Variants in EIF4A3 observed in about 807,000 individuals in gnomAD.
The protein encoded by EIF4A3 is eukaryotic initiation factor 4A-III.
Under a neutral mutation model 55.6 loss-of-function variants are expected in EIF4A3, and 1 was observed. The observed-to-expected ratio is 0.02, with a 90% confidence interval of 0.01 to 0.09. EIF4A3 has a LOEUF of 0.09. Ranked by LOEUF, EIF4A3 falls within the 10% of genes least tolerant of loss-of-function variation. EIF4A3 has a pLI of 1.00. For synonymous variants in EIF4A3, 194 were observed against 196.3 expected, an observed-to-expected ratio of 0.99 and a Z score of 0.10; for missense variants, 221 against 540.7, an observed-to-expected ratio of 0.41 and a Z score of 5.86.
At chr17:80,141,870 G>A (rs1367607325) in intron 2 of EIF4A3, 22 bp from the exon 3 acceptor site, 2 of 1,611,938 alleles carry the variant, frequency 1.2e-6, no homozygotes, top group African/African-American at 1.3e-5. Context: ...AACAAAAGCA[G>A]TGGGATTAGA....
intron 3 of EIF4A3, 116 bp downstream of exon 3, chr17:80,141,666 G>A: frequency 9.7e-7 from 1 of 1,033,062 alleles, no homozygotes; most frequent in Admixed American, 2.5e-5. Flanking sequence ...AAAATTTGCT[G>A]AGTCAATACA....
intron 8 of EIF4A3, 108 bp from the exon 9 acceptor site, chr17:80,137,609 G>A (rs971295847): frequency 4.8e-5 from 40 of 825,474 alleles, no homozygotes; most frequent in Non-Finnish European, 6.7e-5. Context: ...TATTCGTAAG[G>A]TAACTGCTCT....
chr17:80,141,463 G>A, intron 3 of EIF4A3, 82 bp from the exon 4 acceptor site: 1 of 1,335,192 alleles, frequency 7.5e-7, no homozygotes, highest in Non-Finnish European at 1.1e-6. Context: ...AGATCTATAT[G>A]AGAAATACTA....
chr17:80,140,548 A>G lies in EIF4A3; in HGVS notation c.373-408T>C, dbSNP rs114379714. On this transcript the variant is annotated intron_variant, in intron 4 of 11. Coordinates refer to ENST00000649764, the MANE Select transcript of EIF4A3 (RefSeq NM_014740.4). ...TAGCACACCGTGCTGTGTGCACCCT[A>G]TATGTGTATTCAGAGAGTCGTTATC... The G allele has an allele frequency of 5.7e-3, 903 of 157,210 alleles. 5 individuals are homozygous for G. The highest frequency in any genetic ancestry group is 0.021 in the African/African-American group (860 of 41,572). 9.7% of individuals were successfully genotyped at this position (157,210 alleles called of 1,614,324 possible). A position where few individuals can be genotyped will look rare whatever the true frequency, so the allele number is the denominator to read the frequency against.
At chr17:80,144,126 G>A in intron 2 of EIF4A3, 46 bp downstream of exon 2, 4 of 1,592,374 alleles carry the variant, frequency 2.5e-6, no homozygotes, top group Non-Finnish European at 3.4e-6. Context: ...GCACTGCGCT[G>A]CCCAAATTTA....
chr17:80,139,222 G>A (rs2039598356), intron 6 of EIF4A3, 60 bp from the exon 7 acceptor site: 3 of 1,596,144 alleles, frequency 1.9e-6, no homozygotes, highest in Non-Finnish European at 2.6e-6. Context: ...GAAATGGAAG[G>A]TGCACGCCCA....
chr17:80,139,537 G>T, intron 6 of EIF4A3, 133 bp downstream of exon 6: 1 of 820,030 alleles, frequency 1.2e-6, no homozygotes, highest in Non-Finnish European at 1.9e-6. Context: ...TAATTGCCAA[G>T]GCACAATTGT....
Position 80,147,011 on chromosome 17 carries a change from G to A in EIF4A3, c.-50C>T. The A allele has an allele frequency of 2.8e-6, 4 of 1,444,438 alleles. No individual in the cohort carries two copies. Among genetic ancestry groups the A allele is most frequent in the Non-Finnish European group, 2.7e-6 (3 of 1,101,512 alleles). 89.5% of individuals were successfully genotyped at this position (1,444,438 alleles called of 1,614,324 possible). On this transcript the variant is annotated 5_prime_UTR_variant, in exon 1 of 12. Coordinates refer to ENST00000649764, the MANE Select transcript of EIF4A3 (RefSeq NM_014740.4). Reference sequence around the variant, plus strand: ...AGCGCGCGCCGCTGCCGACCTCGCTGCCGCTGCCGACCTCGCTGTGCCGCT... The same window carrying A: ...AGCGCGCGCCGCTGCCGACCTCGCTACCGCTGCCGACCTCGCTGTGCCGCT...
chr17:80,136,041 C>T lies in EIF4A3; in HGVS notation c.1182G>A (p.Gln394=). 6.2e-7 allele frequency: 1 copy of T among 1,614,186 alleles called. No individual in the cohort carries two copies. The change falls in exon 11 of 12, where the codon CAG becomes CAA. Residue 394 remains glutamine, a synonymous_variant. Transcript: ENST00000649764. The part of the protein sequence containing the change: ...DDIRILRDIE[Q]YYSTQIDEMP... ...TCTCATCAATCTGAGTGGAATAGTA[C>T]TGCTCGATATCTCTGAGGATGCGGA...
rs1001105736 is a variant in EIF4A3, at chr17:80,146,976, G to A, written c.-15C>T. 1 of 1,592,388 alleles carries A rather than the reference G, an allele frequency of 6.3e-7. No homozygotes were observed. The highest frequency in any genetic ancestry group is 1.7e-5 in the Admixed American group (1 of 58,982). On this transcript the variant is annotated 5_prime_UTR_variant, in exon 1 of 12. Transcript: ENST00000649764. ...GTGGTCGCCATGATTCAGAGTCCGC[G>A]GAAGAGCACAGCGCGCGCCGCTGCC...
Position 80,146,864 on chromosome 17 carries a change from T to C in EIF4A3, c.98A>G (p.Glu33Gly). ...GTCGAACGTGGGGGTCACATCCACC[T>C]CCTCGCTGGTCTCGAATTCCACTTT... ...MTKVEFETSEEVDVTPTFDTM... is the reference protein window; with the variant it reads ...MTKVEFETSEGVDVTPTFDTM... Residue 33 changes from glutamate (E) to glycine (G), a missense_variant, in exon 1 of 12, where the codon GAG (glutamate) becomes GGG (glycine). Coordinates refer to ENST00000649764, the MANE Select transcript of EIF4A3 (RefSeq NM_014740.4). The C allele has an allele frequency of 6.2e-7, 1 of 1,611,556 alleles. No homozygotes were observed. The highest frequency in any genetic ancestry group is 8.5e-7 in the Non-Finnish European group (1 of 1,179,152).
chr17:80,146,753 A>C (rs755120547), intron 1 of EIF4A3, 40 bp downstream of exon 1: 22 of 1,585,344 alleles, frequency 1.4e-5, no homozygotes, highest in Non-Finnish European at 1.8e-5. Context: ...CTCGCCCCCG[A>C]CTCGCCCCCG....
At chr17:80,145,640 T>A (rs776054345) in intron 1 of EIF4A3, among the ~76,000 whole-genome samples, 87 of 151,978 alleles carry the variant, frequency 5.7e-4, no homozygotes, top group Non-Finnish European at 1.1e-3. Context: ...CACAGGCCAT[T>A]TATCCCAGAT....
Position 80,140,187 on chromosome 17 carries a change from CCA to C in EIF4A3, c.373-49_373-48del, listed in dbSNP as rs771215941. On this transcript the variant is annotated intron_variant, in intron 4 of 11. Transcript: ENST00000649764. ...CGTCCAGGGTGGGAGAGAGAAACAT[CCA>C]CGTTTTCCAAAAAGAAAGACTGTTT... is the stretch of plus-strand genomic sequence containing the variant. 23 of 1,459,500 alleles carry C rather than the reference CCA, an allele frequency of 1.6e-5. No individual in the cohort carries two copies. The African/African-American group carries it at 3.2e-4, about 20-fold the overall frequency. 90.4% of individuals were successfully genotyped at this position (1,459,500 alleles called of 1,614,324 possible).
Position 80,134,518 on chromosome 17 carries a change from A to AAC in EIF4A3, c.*971_*972insGT, listed in dbSNP as rs937829723. On this transcript the variant is annotated 3_prime_UTR_variant, in exon 12 of 12. Coordinates refer to ENST00000649764, the MANE Select transcript of EIF4A3 (RefSeq NM_014740.4). ...GATCCTGGGCTCTCAAAAAAACAAC[A>AAC]AAAAAAAAAAATTAGAAAAATGAGG... 6.1e-5 allele frequency among the ~76,000 whole-genome samples: 9 copies of AAC among 147,088 alleles called. No individual in the cohort carries two copies. Among genetic ancestry groups the AAC allele is most frequent in the African/African-American group, 2.3e-4 (9 of 39,216 alleles).
Position 80,135,437 on chromosome 17 carries a change from A to G in EIF4A3, c.*53T>C. 6.5e-7 allele frequency: 1 copy of G among 1,529,776 alleles called. No homozygotes were observed. Among genetic ancestry groups the G allele is most frequent in the South Asian group, 1.3e-5 (1 of 79,496 alleles). 94.8% of individuals were successfully genotyped at this position (1,529,776 alleles called of 1,614,324 possible). A position where few individuals can be genotyped will look rare whatever the true frequency, so the allele number is the denominator to read the frequency against. On this transcript the variant is annotated 3_prime_UTR_variant, in exon 12 of 12. Coordinates refer to ENST00000649764, the MANE Select transcript of EIF4A3 (RefSeq NM_014740.4). ...TAGAATCTGGATCTAAATACTTCCA[A>G]ACAGGAGTACACAGCAGGTGAACAG...
chr17:80,135,615 G>T (rs1020516746), intron 11 of EIF4A3, 109 bp from the exon 12 acceptor site: 2 of 1,000,166 alleles, frequency 2.0e-6, no homozygotes, highest in African/African-American at 1.6e-5. Context: ...CAAAAAACAG[G>T]CCAGACATAG....
chr17:80,138,017 C>A, intron 8 of EIF4A3, 125 bp downstream of exon 8: 1 of 1,279,348 alleles, frequency 7.8e-7, no homozygotes, highest in Non-Finnish European at 1.1e-6. Flanking sequence ...TACAAGAGAA[C>A]ACATACCCTG....
rs2039599964 is a variant in EIF4A3, at chr17:80,139,414, G to C, written c.587-252C>G. 8.0e-6 allele frequency: 5 copies of C among 627,182 alleles called. No homozygotes were observed. In the Middle Eastern group the frequency reaches 2.2e-3, roughly 271 times the overall value. 38.9% of individuals were successfully genotyped at this position (627,182 alleles called of 1,614,324 possible). On this transcript the variant is annotated intron_variant, in intron 6 of 11. Coordinates refer to ENST00000649764, the MANE Select transcript of EIF4A3 (RefSeq NM_014740.4). ...CTTCTTCAATCTGAAGTGATCTAGGGATCAAGAAACCCACCCCGAGAGTCC... is the reference window on the plus strand; with the variant it reads ...CTTCTTCAATCTGAAGTGATCTAGGCATCAAGAAACCCACCCCGAGAGTCC...
Sources: allele counts gnomAD v4.1 joint callset (sites outside exome capture counted in the v4.1 genomes callset), GRCh38; gene constraint gnomAD v4.1.1; transcripts MANE v1.5; gene names NCBI Gene and HGNC (gene_info 2026-07-23, HGNC 2026-07-21).